NTSR1: variants seen among roughly 807,000 people sequenced by gnomAD.
NTSR1 encodes the protein neurotensin receptor type 1.
A neutral mutation model predicts 31.2 loss-of-function variants in NTSR1; 29 were observed. The ratio of observed to expected loss-of-function variants is 0.93; its 90% confidence interval spans 0.69 to 1.27. The LOEUF (loss-of-function observed/expected upper bound fraction) is 1.27. Ranked by LOEUF, NTSR1 falls within the 50% of genes most tolerant of loss-of-function variation. The pLI is 0.00. For missense variants in NTSR1, 697 were observed against 595.4 expected (o/e 1.17, Z -1.78); for synonymous variants, 282 against 269.9 (o/e 1.04, Z -0.44).
At chr20:62,710,128 A>G (rs1386606566) in intron 1 of NTSR1, among the ~76,000 whole-genome samples, 1 of 152,184 alleles carries the variant, frequency 6.6e-6, no homozygotes, top group Non-Finnish European at 1.5e-5. Context: ...GAGGGGATGG[A>G]GCCCCTGCCT....
intron 1 of NTSR1, among the ~76,000 whole-genome samples, chr20:62,748,887 G>A (rs1181138620): frequency 5.3e-5 from 8 of 152,274 alleles, no homozygotes; most frequent in East Asian, 3.9e-4. Context: ...CCCTCTGCAC[G>A]CGATGCCCCA....
At chr20:62,734,771 C>T (rs1211034895) in intron 1 of NTSR1, among the ~76,000 whole-genome samples, 3 of 152,240 alleles carry the variant, frequency 2.0e-5, no homozygotes, top group Non-Finnish European at 4.4e-5. Flanking sequence ...CTCACTAATA[C>T]CGTTGCAAGT....
chr20:62,710,145 T>C (rs915826474), intron 1 of NTSR1, among the ~76,000 whole-genome samples: 1 of 152,232 alleles, frequency 6.6e-6, no homozygotes, highest in Non-Finnish European at 1.5e-5. Flanking sequence ...GCCTGTGACC[T>C]CTCTGGTGTT....
At chr20:62,716,745 GA>G (rs1391439864) in intron 1 of NTSR1, among the ~76,000 whole-genome samples, 1 of 152,234 alleles carries the variant, frequency 6.6e-6, no homozygotes, top group African/African-American at 2.4e-5. Context: ...GAAGGGCTGT[GA>G]AGAGCATGAG....
chr20:62,758,319 C>G lies in NTSR1; in HGVS notation c.970C>G (p.Leu324Val), dbSNP rs1244642894. ...CTGGCTGCCCTACCACGTGCGGCGCCTCATGTTCTGCTACATCTCGGATGA... is the reference window on the plus strand; with the variant it reads ...CTGGCTGCCCTACCACGTGCGGCGCGTCATGTTCTGCTACATCTCGGATGA... The part of the protein sequence containing the change: ...VCWLPYHVRR[L>V]MFCYISDEQW... The change falls in exon 3 of 4, where the codon CTC becomes GTC. Residue 324 changes from leucine (L) to valine (V), a missense_variant. Coordinates refer to ENST00000370501, the MANE Select transcript of NTSR1 (RefSeq NM_002531.3). This position sits in a 1 kb window ranked among gnomAD's most constrained non-coding sequence, Gnocchi z 4.5. 1 of 1,613,834 alleles carries G rather than the reference C, an allele frequency of 6.2e-7. No individual in the cohort carries two copies. The highest frequency in any genetic ancestry group is 1.1e-5 in the South Asian group (1 of 91,082).
At position 62,709,112 on chromosome 20, in the gene NTSR1, C is replaced by T. The variant is rs1988534729; in HGVS notation, c.-96C>T. 6 of 1,045,622 alleles carry T rather than the reference C, an allele frequency of 5.7e-6. No homozygotes were observed. In the South Asian group the frequency reaches 1.1e-4, roughly 19 times the overall value. 64.8% of individuals were successfully genotyped at this position (1,045,622 alleles called of 1,614,324 possible). On this transcript the variant is annotated 5_prime_UTR_variant, in exon 1 of 4. Coordinates refer to ENST00000370501, the MANE Select transcript of NTSR1 (RefSeq NM_002531.3). Reference sequence around the variant, plus strand: ...TCTTCGCCACGCGCCCTCCCCTGGGCTCCCGTTCATCGGTCCCCGCCTGAG... The same window carrying T: ...TCTTCGCCACGCGCCCTCCCCTGGGTTCCCGTTCATCGGTCCCCGCCTGAG...
In NTSR1 at chr20:62,744,603, G is replaced by A. The variant is rs1265453049; in HGVS notation, c.715-10082G>A. ...TAGCCAGGCATGGTGGCACATGCCT[G>A]TAATCCCAGCTACTCAGGAAGGCTG... On this transcript the variant is annotated intron_variant, in intron 1 of 3. Coordinates refer to ENST00000370501, the MANE Select transcript of NTSR1 (RefSeq NM_002531.3). This position sits in a 1 kb window ranked among gnomAD's most constrained non-coding sequence, Gnocchi z 4.1. Among the ~76,000 whole-genome samples, 2 of 151,664 alleles carry A rather than the reference G, an allele frequency of 1.3e-5. No homozygotes were observed. Among genetic ancestry groups the A allele is most frequent in the East Asian group, 1.9e-4 (1 of 5,180 alleles).
chr20:62,729,914 T>C (rs1382993545), intron 1 of NTSR1, among the ~76,000 whole-genome samples: 5 of 152,172 alleles, frequency 3.3e-5, no homozygotes, highest in Non-Finnish European at 7.4e-5. Flanking sequence ...TGAGCCACCA[T>C]GCCTGGCCAT....
At chr20:62,716,512 G>C (rs1455973543) in intron 1 of NTSR1, among the ~76,000 whole-genome samples, 1 of 152,268 alleles carries the variant, frequency 6.6e-6, no homozygotes, top group Admixed American at 6.5e-5. Flanking sequence ...CAGCGCGTTA[G>C]TCCCGCCTCC....
intron 1 of NTSR1, among the ~76,000 whole-genome samples, chr20:62,720,126 C>T (rs1487558132): frequency 6.6e-6 from 1 of 152,042 alleles, no homozygotes; most frequent in African/African-American, 2.4e-5. Context: ...AGGATGAAAC[C>T]CTGTCTCTAC....
At position 62,758,316 on chromosome 20, in the gene NTSR1, C is replaced by A; in HGVS notation, c.967C>A (p.Arg323Ser). 6.2e-7 allele frequency: 1 copy of A among 1,613,730 alleles called. No homozygotes were observed. The highest frequency in any genetic ancestry group is 2.2e-5 in the East Asian group (1 of 44,888). The change falls in exon 3 of 4, where the codon CGC becomes AGC. Residue 323 changes from arginine (R) to serine (S), a missense_variant. Physicochemically the swap from Arg to Ser is moderately radical, Grantham distance 110 (BLOSUM62 -1). Coordinates refer to ENST00000370501, the MANE Select transcript of NTSR1 (RefSeq NM_002531.3). The surrounding 1 kb of genome is among the most constrained non-coding windows in gnomAD (Gnocchi z 4.5). ...CTGCTGGCTGCCCTACCACGTGCGG[C>A]GCCTCATGTTCTGCTACATCTCGGA... ...VVCWLPYHVRRLMFCYISDEQ... is the reference protein window; with the variant it reads ...VVCWLPYHVRSLMFCYISDEQ...
At chr20:62,731,493 A>G (rs958574655) in intron 1 of NTSR1, among the ~76,000 whole-genome samples, 25 of 152,218 alleles carry the variant, frequency 1.6e-4, no homozygotes, top group African/African-American at 6.0e-4. Context: ...CCTAGATTTT[A>G]TACCCAAGAT....
At chr20:62,728,357 TGC>T (rs1369428562) in intron 1 of NTSR1, among the ~76,000 whole-genome samples, 2 of 152,068 alleles carry the variant, frequency 1.3e-5, no homozygotes, top group Non-Finnish European at 2.9e-5. Flanking sequence ...GGTCAGTGTG[TGC>T]GGCAGCCCCA....
chr20:62,746,280 G>A (rs1241920133), intron 1 of NTSR1, among the ~76,000 whole-genome samples: 1 of 152,204 alleles, frequency 6.6e-6, no homozygotes, highest in Non-Finnish European at 1.5e-5. Flanking sequence ...AGGCTTGTGG[G>A]TGCCATCAGG....
rs1041835771 is a variant in NTSR1, at chr20:62,733,431, C to G, written c.715-21254C>G. Among the ~76,000 whole-genome samples the G allele has an allele frequency of 6.6e-6, 1 of 152,148 alleles. No homozygotes were observed. Among genetic ancestry groups the G allele is most frequent in the African/African-American group, 2.4e-5 (1 of 41,442 alleles). On this transcript the variant is annotated intron_variant, in intron 1 of 3. Coordinates refer to ENST00000370501, the MANE Select transcript of NTSR1 (RefSeq NM_002531.3). The surrounding 1 kb of genome is among the most constrained non-coding windows in gnomAD (Gnocchi z 5.2). ...AGTTGTGTTTCCCTTGGGCAGGGAGCCACTGGCAGCTCCCCAGTGGGAATC... is the reference window on the plus strand; with the variant it reads ...AGTTGTGTTTCCCTTGGGCAGGGAGGCACTGGCAGCTCCCCAGTGGGAATC...
intron 1 of NTSR1, among the ~76,000 whole-genome samples, chr20:62,719,775 A>G (rs1233346938): frequency 1.3e-5 from 2 of 152,086 alleles, no homozygotes; most frequent in African/African-American, 4.8e-5. Flanking sequence ...TTTTGCTGAG[A>G]ATTTTTGTGT....
At chr20:62,735,808 G>A (rs996151830) in intron 1 of NTSR1, among the ~76,000 whole-genome samples, 7 of 152,312 alleles carry the variant, frequency 4.6e-5, no homozygotes, top group East Asian at 3.9e-4. Flanking sequence ...GGTCTTCCCC[G>A]CTGTGACCTG....
intron 1 of NTSR1, among the ~76,000 whole-genome samples, chr20:62,720,680 C>T (rs1988815168): frequency 6.6e-6 from 1 of 151,112 alleles, no homozygotes; most frequent in Admixed American, 6.6e-5. Context: ...TTTCTGCTTG[C>T]TTTGGGTTTA....
In NTSR1 at chr20:62,741,836, AG is replaced by A. The variant is rs376764615; in HGVS notation, c.715-12847del. The stretch of plus-strand genomic sequence containing the variant: ...CCACAAAGCTTCACCAGTGGGGATG[AG>A]GATCTGCTCATAGGATGGCCCCTGA... On this transcript the variant is annotated intron_variant, in intron 1 of 3. Transcript: ENST00000370501. This position sits in a 1 kb window ranked among gnomAD's most constrained non-coding sequence, Gnocchi z 4.3. Among the ~76,000 whole-genome samples, 238 of 149,564 alleles carry A rather than the reference AG, an allele frequency of 1.6e-3. 19 individuals carry two copies. Among genetic ancestry groups the A allele is most frequent in the African/African-American group, 5.8e-3 (231 of 40,128 alleles).
Sources: allele counts gnomAD v4.1 joint callset (sites outside exome capture counted in the v4.1 genomes callset), GRCh38; gene constraint gnomAD v4.1.1; non-coding constraint Gnocchi (gnomAD v3.1); transcripts MANE v1.5; gene names NCBI Gene and HGNC (gene_info 2026-07-23, HGNC 2026-07-21).